TRAF1: variants seen among roughly 807,000 people sequenced by gnomAD.
The protein encoded by TRAF1 is TNF receptor-associated factor 1.
TRAF1 carries 23 observed loss-of-function variants against 40.9 expected under a neutral mutation model. That is an observed-to-expected ratio of 0.56 (90% CI 0.40 to 0.80). TRAF1 has a LOEUF of 0.80. Among genes scored for constraint, TRAF1 ranks in the 30% least tolerant of loss-of-function variants. The pLI is 0.00. For missense variants in TRAF1, 477 were observed against 528.7 expected (o/e 0.90, Z 0.96); for synonymous variants, 206 against 218.8 (o/e 0.94, Z 0.52).
intron 3 of TRAF1, among the ~76,000 whole-genome samples, chr9:120,916,336 ATCC>A (rs1432658909): frequency 3.7e-4 from 56 of 152,220 alleles, no homozygotes; most frequent in Non-Finnish European, 6.5e-4. Flanking sequence ...AAGCAGCTTT[ATCC>A]CGTGCAGAAA....
intron 2 of TRAF1, among the ~76,000 whole-genome samples, chr9:120,924,778 T>A (rs1178799963): frequency 6.6e-6 from 1 of 152,192 alleles, no homozygotes; most frequent in African/African-American, 2.4e-5. Flanking sequence ...AGATAGTCTA[T>A]TTTACAAGTG....
intron 5 of TRAF1, among the ~76,000 whole-genome samples, chr9:120,911,837 C>T (rs1403502845): frequency 6.6e-6 from 1 of 152,194 alleles, no homozygotes; most frequent in African/African-American, 2.4e-5. Flanking sequence ...TGGTCTCCTC[C>T]ACCGAAAGCT....
intron 2 of TRAF1, among the ~76,000 whole-genome samples, chr9:120,924,765 C>T (rs1416281731): frequency 6.6e-6 from 1 of 152,194 alleles, no homozygotes; most frequent in Non-Finnish European, 1.5e-5. Flanking sequence ...GCTACCGCTA[C>T]CGAGATAGTC....
At position 120,925,144 on chromosome 9, in the gene TRAF1, G is replaced by A. The variant is rs1191547678; in HGVS notation, c.140+792C>T. Among the ~76,000 whole-genome samples, 5 of 152,226 alleles carry A rather than the reference G, an allele frequency of 3.3e-5. No homozygotes were observed. In the East Asian group the frequency reaches 9.6e-4, roughly 29 times the overall value. ...TGATTCAGCTTTGCCACCTTCTTAA[G>A]CTGTAAAACCGCAAACAAAAGGTCA... On this transcript the variant is annotated intron_variant, in intron 2 of 7. Coordinates refer to ENST00000373887, the MANE Select transcript of TRAF1 (RefSeq NM_005658.5).
At chr9:120,915,400 T>C (rs531724224) in intron 3 of TRAF1, among the ~76,000 whole-genome samples, 3 of 152,362 alleles carry the variant, frequency 2.0e-5, no homozygotes, top group Admixed American at 2.0e-4. Flanking sequence ...AATACAGTAC[T>C]ATACTCTTCT....
At chr9:120,921,582 G>T (rs1192010132) in intron 3 of TRAF1, among the ~76,000 whole-genome samples, 1 of 152,148 alleles carries the variant, frequency 6.6e-6, no homozygotes, top group Non-Finnish European at 1.5e-5. Context: ...GGGTCTGCTT[G>T]TGTCTCACAG....
intron 2 of TRAF1, 116 bp from the exon 3 acceptor site, chr9:120,923,908 C>T: frequency 1.1e-6 from 1 of 942,890 alleles, no homozygotes; most frequent in Non-Finnish European, 1.7e-6. Context: ...TGTACGTCCA[C>T]AATCCCAGAG....
intron 2 of TRAF1, 116 bp downstream of exon 2, chr9:120,925,820 C>T (rs1046821303): frequency 1.2e-5 from 17 of 1,444,582 alleles, no homozygotes; most frequent in Non-Finnish European, 1.5e-5. Context: ...GAAACTGAGG[C>T]CCAGAGAAGA....
At chr9:120,914,369 G>A in intron 3 of TRAF1, 69 bp from the exon 4 acceptor site, 1 of 1,335,434 alleles carries the variant, frequency 7.5e-7, no homozygotes, top group Middle Eastern at 2.8e-4. Flanking sequence ...TCTCTTCAAT[G>A]CACCAGGATC....
Position 120,902,584 on chromosome 9 carries a change from CT to C in TRAF1, c.*2435del. 1 of 152,306 alleles carries C rather than the reference CT, an allele frequency of 6.6e-6. No homozygotes were observed. The highest frequency in any genetic ancestry group is 1.5e-5 in the Non-Finnish European group (1 of 68,090). The allele number at this position is 152,306 out of a possible 1,614,324, so 9.4% of individuals were successfully genotyped here. A position where few individuals can be genotyped will look rare whatever the true frequency, so the allele number is the denominator to read the frequency against. ...CAGTTCATCTGACCCTTCTGACTCC[CT>C]CCCCCATCCTGCCACACAGACCCTG... On this transcript the variant is annotated 3_prime_UTR_variant, in exon 8 of 8. Coordinates refer to ENST00000373887, the MANE Select transcript of TRAF1 (RefSeq NM_005658.5).
Position 120,926,111 on chromosome 9 carries a change from G to T in TRAF1, c.-36C>A, listed in dbSNP as rs1312356783. On this transcript the variant is annotated 5_prime_UTR_variant, in exon 2 of 8. Transcript: ENST00000373887. ...CAGGCTGGCCAGAGGGCCTGTTTAA[G>T]TTGCTCCAGGGCAGGGGACCAGCCT... is the stretch of plus-strand genomic sequence containing the variant. 6.6e-7 allele frequency: 1 copy of T among 1,517,868 alleles called. No homozygotes were observed. Among genetic ancestry groups the T allele is most frequent in the Admixed American group, 2.3e-5 (1 of 43,354 alleles). The allele number at this position is 1,517,868 out of a possible 1,614,324, so 94.0% of individuals were successfully genotyped here.
upstream of TRAF1, chr9:120,927,618 C>T (rs985326790): frequency 6.6e-6 from 1 of 152,130 alleles, no homozygotes; most frequent in Non-Finnish European, 1.5e-5. Context: ...TGTGCTTTCA[C>T]GTCTATCTAC....
At position 120,915,124 on chromosome 9, in the gene TRAF1, G is replaced by A. The variant is rs187322299; in HGVS notation, c.229-824C>T. Among the ~76,000 whole-genome samples, 53 of 152,284 alleles carry A rather than the reference G, an allele frequency of 3.5e-4. No individual in the cohort carries two copies. The East Asian group carries it at 9.1e-3, about 26-fold the overall frequency. On this transcript the variant is annotated intron_variant, in intron 3 of 7. Transcript: ENST00000373887. The stretch of plus-strand genomic sequence containing the variant: ...TCTTAACAGGAGTCAGCCCAGGAGA[G>A]ATGGGAAAAAAGTTTTTCCAACATA...
chr9:120,926,223 G>C lies in TRAF1; in HGVS notation c.-148C>G. On this transcript the variant is annotated 5_prime_UTR_variant, in exon 2 of 8. Coordinates refer to ENST00000373887, the MANE Select transcript of TRAF1 (RefSeq NM_005658.5). ...TTCTCTCTGGCTTGTGTGGTTCAAC[G>C]TCACAGCTGAGTCACAGCAGGGATG... 1 of 853,036 alleles carries C rather than the reference G, an allele frequency of 1.2e-6. No homozygotes were observed. Among genetic ancestry groups the C allele is most frequent in the Non-Finnish European group, 1.7e-6 (1 of 594,054 alleles). 52.8% of individuals were successfully genotyped at this position (853,036 alleles called of 1,614,324 possible).
intron 3 of TRAF1, among the ~76,000 whole-genome samples, chr9:120,921,731 G>C (rs570752373): frequency 5.9e-5 from 9 of 152,326 alleles, no homozygotes; most frequent in African/African-American, 2.2e-4. Context: ...CTGAGGGCCT[G>C]CCGATGGAGA....
At position 120,905,085 on chromosome 9, in the gene TRAF1, G is replaced by A. The variant is rs1219653150; in HGVS notation, c.1186C>T (p.Pro396Ser). ...LFFPLSKLQS[P>S]KHAYVKDDTM... ...TCGTCCTTCACGTAGGCGTGCTTGG[G>A]TGACTGCAGTTTGCTGAGGGGGAAG... The change falls in exon 8 of 8, where the codon CCC becomes TCC. Residue 396 changes from proline (P) to serine (S), a missense_variant. By Grantham distance (74) the Pro-to-Ser change is moderately conservative (BLOSUM62 -1). Coordinates refer to ENST00000373887, the MANE Select transcript of TRAF1 (RefSeq NM_005658.5). 1 of 1,614,166 alleles carries A rather than the reference G, an allele frequency of 6.2e-7. No homozygotes were observed. Among genetic ancestry groups the A allele is most frequent in the African/African-American group, 1.3e-5 (1 of 74,952 alleles).
chr9:120,905,164 C>T lies in TRAF1; in HGVS notation c.1107G>A (p.Ala369=), dbSNP rs368165927. 3.8e-5 allele frequency: 61 copies of T among 1,614,080 alleles called. No homozygotes were observed. The highest frequency in any genetic ancestry group is 2.4e-4 in the African/African-American group (18 of 74,924). ...TTTCACTCTGGGGCCTCTGGAAGGA[C>T]GCTGAGCTTAGGTCAGGCCGGAAGG... ...IDAFRPDLSS[A]SFQRPQSETN... is the part of the protein sequence containing the mutation. The change falls in exon 8 of 8, where the codon GCG becomes GCA. Residue 369 remains alanine, a synonymous_variant. Coordinates refer to ENST00000373887, the MANE Select transcript of TRAF1 (RefSeq NM_005658.5).
chr9:120,921,797 A>C (rs1418528527), intron 3 of TRAF1, among the ~76,000 whole-genome samples: 2 of 152,144 alleles, frequency 1.3e-5, no homozygotes, highest in African/African-American at 4.8e-5. Context: ...TGGGACAGGA[A>C]ATTCCCCTGA....
At chr9:120,914,203 A>G in intron 4 of TRAF1, 32 bp downstream of exon 4, 2 of 1,490,452 alleles carry the variant, frequency 1.3e-6, no homozygotes, top group Non-Finnish European at 1.8e-6. Flanking sequence ...ACCATAGTGG[A>G]TAGATCTCCT....
Sources: gnomAD v4.1 joint callset for allele counts (sites outside exome capture counted in the v4.1 genomes callset) on GRCh38, gnomAD v4.1.1 for gene constraint, MANE v1.5 for transcripts, NCBI Gene and HGNC (gene_info 2026-07-23, HGNC 2026-07-21) for gene names.